Variants in N4BP2L2 observed in about 807,000 individuals in gnomAD.
N4BP2L2 encodes the protein NEDD4-binding protein 2-like 2.
A neutral mutation model predicts 56.2 loss-of-function variants in N4BP2L2; 50 were observed. The observed-to-expected ratio is 0.89, with a 90% confidence interval of 0.71 to 1.13. N4BP2L2 has a LOEUF of 1.13. Among genes scored for constraint, N4BP2L2 ranks in the 50% most tolerant of loss-of-function variants. The probability of loss-of-function intolerance (pLI) is 0.00; values close to 1 mark genes in which losing one functional copy is unlikely to be tolerated. For synonymous variants in N4BP2L2, 203 were observed against 223.6 expected (o/e 0.91, Z 0.82); for missense variants, 689 against 693.8 (o/e 0.99, Z 0.08).
At chr13:32,514,080 CAA>C (rs2048687551) in exon 6 of N4BP2L2, 1 of 152,030 alleles carries the variant, frequency 6.6e-6, no homozygotes, top group African/African-American at 2.4e-5. Flanking sequence ...ATTAATTAGA[CAA>C]GAGATAAGCA....
chr13:32,475,945 G>T (rs775009843), intron 6 of N4BP2L2, among the ~76,000 whole-genome samples: 1 of 152,082 alleles, frequency 6.6e-6, no homozygotes, highest in Non-Finnish European at 1.5e-5. Context: ...CACACAAAAG[G>T]CATGATATAT....
chr13:32,477,408 G>T (rs564303779), intron 6 of N4BP2L2: 1 of 176,312 alleles, frequency 5.7e-6, no homozygotes, highest in Non-Finnish European at 1.2e-5. Context: ...ATGTATTGCA[G>T]CAAATTCCAG....
At chr13:32,433,222 TACAAAAAATTAAA>T (rs928474553) in intron 9 of N4BP2L2, among the ~76,000 whole-genome samples, 59 of 152,348 alleles carry the variant, frequency 3.9e-4, no homozygotes, top group African/African-American at 1.3e-3. Flanking sequence ...CTATGTACAT[TACAAAAAATTAAA>T]AATAAATGCA....
In N4BP2L2 at chr13:32,453,852, T is replaced by A. The variant is rs189395075; in HGVS notation, c.366-9726A>T. Among the ~76,000 whole-genome samples the A allele has an allele frequency of 4.2e-3, 641 of 152,246 alleles. 16 individuals carry two copies. Among genetic ancestry groups the A allele is most frequent in the Non-Finnish European group, 7.5e-4 (51 of 68,020 alleles). On this transcript the variant is annotated intron_variant, in intron 6 of 9. Coordinates refer to the N4BP2L2 transcript ENST00000357505. ...AGGGCTTGTGCCTATTTTAACTAAC[T>A]CAAAACTTTCCTAGGACAAACACAA... is the stretch of plus-strand genomic sequence containing the variant.
intron 6 of N4BP2L2, among the ~76,000 whole-genome samples, chr13:32,474,828 AGGAT>A (rs1324636693): frequency 6.6e-6 from 1 of 152,246 alleles, no homozygotes; most frequent in Non-Finnish European, 1.5e-5. Context: ...TAGCATTTAA[AGGAT>A]TATCTGAAAG....
At chr13:32,511,810 G>T (rs1448781669) in exon 6 of N4BP2L2, 1 of 151,452 alleles carries the variant, frequency 6.6e-6, no homozygotes, top group East Asian at 1.9e-4. Context: ...CACAAGAAAA[G>T]ACTATGAAAG....
chr13:32,449,130 T>A (rs1269943352), intron 6 of N4BP2L2, among the ~76,000 whole-genome samples: 1 of 152,216 alleles, frequency 6.6e-6, no homozygotes, highest in Non-Finnish European at 1.5e-5. Flanking sequence ...TCACACTAAA[T>A]GCTCCCAGCT....
intron 6 of N4BP2L2, chr13:32,478,657 A>G (rs2139085351): frequency 6.6e-6 from 1 of 152,554 alleles, no homozygotes; most frequent in South Asian, 2.1e-4. Context: ...AGACTTTCAG[A>G]AGATTCTCTA....
At chr13:32,490,714 G>A (rs1423752991) in intron 6 of N4BP2L2, among the ~76,000 whole-genome samples, 2 of 152,172 alleles carry the variant, frequency 1.3e-5, no homozygotes, top group East Asian at 3.9e-4. Flanking sequence ...TCAGGCATTA[G>A]TTAGATTCCC....
chr13:32,450,788 C>G (rs2138462385), intron 6 of N4BP2L2, among the ~76,000 whole-genome samples: 1 of 152,098 alleles, frequency 6.6e-6, no homozygotes, highest in South Asian at 2.1e-4. Context: ...GCCACCATGC[C>G]TGGCTCTTTT....
exon 7 of N4BP2L2, chr13:32,443,193 ATCT>A: frequency 6.2e-7 from 1 of 1,613,876 alleles, no homozygotes; most frequent in Non-Finnish European, 8.5e-7. Context: ...GAGGTGAAAA[ATCT>A]TCATTTCCTA....
chr13:32,442,010 A>T (rs1011124901), intron 7 of N4BP2L2, among the ~76,000 whole-genome samples: 7 of 152,198 alleles, frequency 4.6e-5, no homozygotes, highest in Non-Finnish European at 1.0e-4. Context: ...CGGGAGGCGG[A>T]GCTTGCAGTG....
chr13:32,487,468 TA>T (rs372995200), intron 6 of N4BP2L2, among the ~76,000 whole-genome samples: 462 of 116,360 alleles, frequency 4.0e-3, no homozygotes, highest in Non-Finnish European at 5.0e-3. Flanking sequence ...GACCCTGTCT[TA>T]AAAAAAAAAA....
At chr13:32,512,312 A>T (rs2048307861) in exon 6 of N4BP2L2, 1 of 152,208 alleles carries the variant, frequency 6.6e-6, no homozygotes, top group African/African-American at 2.4e-5. Flanking sequence ...CAAGACTTCA[A>T]TGTGAAGTCT....
chr13:32,449,438 C>T (rs2138427155), intron 6 of N4BP2L2, among the ~76,000 whole-genome samples: 1 of 152,258 alleles, frequency 6.6e-6, no homozygotes, highest in East Asian at 1.9e-4. Flanking sequence ...TTCTTGACTA[C>T]ACATTACAGA....
intron 6 of N4BP2L2, among the ~76,000 whole-genome samples, chr13:32,494,625 G>A (rs956568610): frequency 2.9e-4 from 44 of 152,026 alleles, no homozygotes; most frequent in African/African-American, 1.0e-3. Flanking sequence ...AATTAGCCGG[G>A]CATGGTGGTG....
At chr13:32,439,963 T>G (rs1593385812) in intron 7 of N4BP2L2, among the ~76,000 whole-genome samples, 1 of 149,806 alleles carries the variant, frequency 6.7e-6, no homozygotes, top group Non-Finnish European at 1.5e-5. Flanking sequence ...GAGGCAGAGG[T>G]TGCAGTGAGC....
At chr13:32,435,334 A>T (rs1162305422) in intron 9 of N4BP2L2, among the ~76,000 whole-genome samples, 1 of 152,150 alleles carries the variant, frequency 6.6e-6, no homozygotes, top group African/African-American at 2.4e-5. Context: ...CCCAGGTTCA[A>T]GCATTTCTCT....
At chr13:32,505,937 C>T (rs1360976625), downstream of N4BP2L2, 1 of 152,200 alleles carries the variant, frequency 6.6e-6, no homozygotes, top group Non-Finnish European at 1.5e-5. Flanking sequence ...TGGCCTCTAC[C>T]CATTATCTAG....
Sources: gnomAD v4.1 joint callset for allele counts (sites outside exome capture counted in the v4.1 genomes callset) on GRCh38, gnomAD v4.1.1 for gene constraint, MANE v1.5 for transcripts, NCBI Gene and HGNC (gene_info 2026-07-23, HGNC 2026-07-21) for gene names.